Variants in SH3RF1 observed in about 807,000 individuals in gnomAD.
The protein encoded by SH3RF1 is SH3 domain containing ring finger 1, also known as E3 ubiquitin-protein ligase SH3RF1.
A neutral mutation model predicts 74.0 loss-of-function variants in SH3RF1; 32 were observed. The observed-to-expected ratio is 0.43, with a 90% confidence interval of 0.33 to 0.58. The LOEUF (loss-of-function observed/expected upper bound fraction) is 0.58, where lower values mean the gene tolerates loss of function less well. Ranked by LOEUF, SH3RF1 falls within the 20% of genes least tolerant of loss-of-function variation. SH3RF1 has a pLI of 0.05. For synonymous variants in SH3RF1, 396 were observed against 439.6 expected, an observed-to-expected ratio of 0.90 and a Z score of 1.24; for missense variants, 954 against 1,130.9, an observed-to-expected ratio of 0.84 and a Z score of 2.24.
At chr4:169,119,600 T>A (rs1343639401) in intron 8 of SH3RF1, among the ~76,000 whole-genome samples, 1 of 152,182 alleles carries the variant, frequency 6.6e-6, no homozygotes. Flanking sequence ...ATTTTCTGGA[T>A]GGGATGGATT....
chr4:169,104,342 T>C (rs996614755), intron 11 of SH3RF1, among the ~76,000 whole-genome samples: 2 of 152,016 alleles, frequency 1.3e-5, no homozygotes, highest in African/African-American at 4.8e-5. Context: ...AGCAAACAAG[T>C]AACTGGACCA....
intron 2 of SH3RF1, among the ~76,000 whole-genome samples, chr4:169,206,614 G>C (rs538368437): frequency 1.3e-5 from 2 of 152,196 alleles, no homozygotes; most frequent in African/African-American, 4.8e-5. Flanking sequence ...ATTATGTGCA[G>C]TGTTCATCAC....
In SH3RF1 at chr4:169,143,027, T is replaced by C. The variant is rs575917271; in HGVS notation, c.766-6407A>G. ...ACTGAAGGGATTACTCAAGAGTCTT[T>C]TAAAATTGATATGAAAGCCTCCCTC... On this transcript the variant is annotated intron_variant, in intron 4 of 11. Transcript: ENST00000284637. Among the ~76,000 whole-genome samples, 14 of 152,304 alleles carry C rather than the reference T, an allele frequency of 9.2e-5. No individual in the cohort carries two copies. The East Asian group carries it at 2.7e-3, about 29-fold the overall frequency.
At chr4:169,120,649 A>C (rs1733422260) in intron 8 of SH3RF1, among the ~76,000 whole-genome samples, 170 bp downstream of exon 8, 1 of 152,224 alleles carries the variant, frequency 6.6e-6, no homozygotes, top group South Asian at 2.1e-4. Flanking sequence ...AAATAAGCTA[A>C]AAATTTTAGA....
rs147548901 is a variant in SH3RF1 at position 169,210,336 on chromosome 4, T to A, written c.394-53657A>T. Reference sequence around the variant, plus strand: ...ACTGAACTTTACCTTCTAATTCACATGAAGACAAAACACCTTATATGACTA... The same window carrying A: ...ACTGAACTTTACCTTCTAATTCACAAGAAGACAAAACACCTTATATGACTA... On this transcript the variant is annotated intron_variant, in intron 2 of 11. Coordinates refer to ENST00000284637, the MANE Select transcript of SH3RF1 (RefSeq NM_020870.4). Among the ~76,000 whole-genome samples, 250 of 152,326 alleles carry A rather than the reference T, an allele frequency of 1.6e-3. 1 individual carries two copies. Among genetic ancestry groups the A allele is most frequent in the African/African-American group, 5.6e-3 (234 of 41,576 alleles).
intron 2 of SH3RF1, among the ~76,000 whole-genome samples, chr4:169,232,228 T>C (rs947662438): frequency 2.0e-5 from 3 of 152,184 alleles, no homozygotes; most frequent in African/African-American, 7.2e-5. Context: ...TGGACTATTG[T>C]TAAGGAATTT....
intron 2 of SH3RF1, among the ~76,000 whole-genome samples, chr4:169,266,597 CT>C (rs1423966821): frequency 1.0e-5 from 1 of 97,810 alleles, no homozygotes; most frequent in South Asian, 3.2e-4. Flanking sequence ...ACTGAGAAAG[CT>C]TTTTTTTAAA....
intron 2 of SH3RF1, chr4:169,220,276 A>T (rs919623958): frequency 6.6e-6 from 1 of 152,224 alleles, no homozygotes; most frequent in East Asian, 1.9e-4. Context: ...CTGGAAAAAA[A>T]ATGTCAAGTG....
At chr4:169,266,867 T>C (rs887652629) in intron 2 of SH3RF1, among the ~76,000 whole-genome samples, 5 of 152,192 alleles carry the variant, frequency 3.3e-5, no homozygotes, top group East Asian at 1.9e-4. Flanking sequence ...GACTACTGAA[T>C]AGGTTTGTTT....
intron 4 of SH3RF1, among the ~76,000 whole-genome samples, chr4:169,154,322 A>G (rs1734018833): frequency 6.6e-6 from 1 of 152,206 alleles, no homozygotes; most frequent in Admixed American, 6.5e-5. Flanking sequence ...CAGTAGTCAA[A>G]TTGATTTTTT....
chr4:169,149,837 C>T (rs1413859503), intron 4 of SH3RF1, among the ~76,000 whole-genome samples: 1 of 151,962 alleles, frequency 6.6e-6, no homozygotes, highest in African/African-American at 2.4e-5. Context: ...ATTATTGTGC[C>T]CTTCTGCTAT....
At chr4:169,245,754 T>TG (rs1730986565) in intron 2 of SH3RF1, among the ~76,000 whole-genome samples, 1 of 152,214 alleles carries the variant, frequency 6.6e-6, no homozygotes, top group Non-Finnish European at 1.5e-5. Flanking sequence ...TGTAACCTTG[T>TG]AACTGCAGGA....
intron 2 of SH3RF1, among the ~76,000 whole-genome samples, chr4:169,220,617 G>A (rs546068634): frequency 6.6e-6 from 1 of 152,202 alleles, no homozygotes; most frequent in African/African-American, 2.4e-5. Flanking sequence ...CCCACTTCCA[G>A]CAGTCTGGGC....
At chr4:169,113,213 T>A (rs1175221370) in intron 10 of SH3RF1, among the ~76,000 whole-genome samples, 3 of 151,900 alleles carry the variant, frequency 2.0e-5, no homozygotes, top group African/African-American at 7.3e-5. Flanking sequence ...CTGGTTCAAG[T>A]GATTCTCCAG....
intron 2 of SH3RF1, among the ~76,000 whole-genome samples, chr4:169,258,947 T>C (rs1164108454): frequency 1.3e-5 from 2 of 152,162 alleles, no homozygotes; most frequent in Non-Finnish European, 2.9e-5. Flanking sequence ...TTTATACAAA[T>C]GCTAGGGATA....
At chr4:169,098,526 T>G (rs1224660716) in intron 11 of SH3RF1, among the ~76,000 whole-genome samples, 1 of 152,082 alleles carries the variant, frequency 6.6e-6, no homozygotes, top group Non-Finnish European at 1.5e-5. Flanking sequence ...CTGCAAAAGG[T>G]AAGTGGCTGC....
At chr4:169,231,389 A>C (rs112721072) in intron 2 of SH3RF1, among the ~76,000 whole-genome samples, 18,276 of 152,058 alleles carry the variant, frequency 0.12, 1,154 homozygotes, top group Middle Eastern at 0.21. Flanking sequence ...AATATGGTGA[A>C]ACCCAGTCTC....
chr4:169,254,343 C>T (rs546529269), intron 2 of SH3RF1, among the ~76,000 whole-genome samples: 2 of 152,246 alleles, frequency 1.3e-5, no homozygotes, highest in Admixed American at 1.3e-4. Context: ...GGAGACAACA[C>T]TAAAGCACAA....
intron 2 of SH3RF1, among the ~76,000 whole-genome samples, chr4:169,177,307 G>A (rs561186879): frequency 6.6e-6 from 1 of 152,198 alleles, no homozygotes; most frequent in South Asian, 2.1e-4. Flanking sequence ...AGAAAACATA[G>A]ATCATTTTTC....
Sources: gnomAD v4.1 joint callset for allele counts (sites outside exome capture counted in the v4.1 genomes callset) on GRCh38, gnomAD v4.1.1 for gene constraint, MANE v1.5 for transcripts, NCBI Gene and HGNC (gene_info 2026-07-23, HGNC 2026-07-21) for gene names.